The following MACROD2 variants were observed in gnomAD, a reference collection of about 807,000 sequenced individuals.
MACROD2 encodes the protein mono-ADP ribosylhydrolase 2, also known as ADP-ribose glycohydrolase MACROD2.
Under a neutral mutation model 70.4 loss-of-function variants are expected in MACROD2, and 36 were observed. The ratio of observed to expected loss-of-function variants is 0.51; its 90% CI spans 0.39 to 0.68. MACROD2 has a LOEUF of 0.68. Ranked by LOEUF, MACROD2 falls within the 30% of genes least tolerant of loss-of-function variation. MACROD2 has a pLI of 0.00. For missense variants in MACROD2, 496 were observed against 538.4 expected (o/e 0.92, Z 0.78); for synonymous variants, 172 against 178.8 (o/e 0.96, Z 0.30).
At chr20:14,198,424 T>G (rs1034518239) in intron 3 of MACROD2, among the ~76,000 whole-genome samples, 1 of 152,224 alleles carries the variant, frequency 6.6e-6, no homozygotes. Context: ...TCAATTATAT[T>G]AGTCCAGAGC....
chr20:14,813,476 A>C (rs2072738988), intron 5 of MACROD2, among the ~76,000 whole-genome samples: 1 of 151,668 alleles, frequency 6.6e-6, no homozygotes, highest in African/African-American at 2.4e-5. Flanking sequence ...TTCCTGCATT[A>C]GTTTGCTGAG....
At chr20:15,801,333 A>G (rs575405594) in intron 8 of MACROD2, among the ~76,000 whole-genome samples, 1 of 152,048 alleles carries the variant, frequency 6.6e-6, no homozygotes, top group Admixed American at 6.5e-5. Context: ...GGAGCAGAGG[A>G]TGCTGGAGGA....
At chr20:15,851,064 A>G (rs2064292810) in intron 8 of MACROD2, among the ~76,000 whole-genome samples, 1 of 152,048 alleles carries the variant, frequency 6.6e-6, no homozygotes, top group Admixed American at 6.6e-5. Context: ...TGGGCATGGG[A>G]AGAAAAGAAT....
rs185810948 is a variant in MACROD2 at position 15,534,902 on chromosome 20, A to T, written c.645+35055A>T. On this transcript the variant is annotated intron_variant, in intron 8 of 17. Coordinates refer to ENST00000684519, the MANE Select transcript of MACROD2 (RefSeq NM_001351661.2). Reference sequence around the variant, plus strand: ...TGAATTCAGCTTCTGAATTCAACTCAAAATTAAATTTCTAATTAGGATTAG... The same window carrying T: ...TGAATTCAGCTTCTGAATTCAACTCTAAATTAAATTTCTAATTAGGATTAG... Among the ~76,000 whole-genome samples the T allele has an allele frequency of 3.5e-3, 540 of 152,268 alleles. 3 individuals are homozygous for T. Among genetic ancestry groups the T allele is most frequent in the African/African-American group, 0.012 (511 of 41,548 alleles).
rs56136161 is a variant in MACROD2 at position 15,529,292 on chromosome 20, CTG to C, written c.645+29463_645+29464del. On this transcript the variant is annotated intron_variant, in intron 8 of 17. Coordinates refer to ENST00000684519, the MANE Select transcript of MACROD2 (RefSeq NM_001351661.2). ...GATGCGTGTGTGTGTGTGTGCATGC[CTG>C]TGTGTGTGTGTGTGTGTAAGTGTTA... 2.9e-3 allele frequency among the ~76,000 whole-genome samples: 425 copies of C among 149,034 alleles called. 9 individuals are homozygous for C. In the East Asian group the frequency reaches 0.051, roughly 18 times the overall value.
chr20:14,696,416 T>C (rs535696368), intron 5 of MACROD2, among the ~76,000 whole-genome samples: 6 of 152,318 alleles, frequency 3.9e-5, no homozygotes, highest in African/African-American at 1.4e-4. Flanking sequence ...TGTCCTCTGT[T>C]AATGCTGTGA....
chr20:15,951,574 A>G (rs1348509624), intron 12 of MACROD2, among the ~76,000 whole-genome samples: 1 of 152,096 alleles, frequency 6.6e-6, no homozygotes, highest in African/African-American at 2.4e-5. Context: ...TCAAATTAGA[A>G]TGGAAAGGCA....
rs533083834 is a variant in MACROD2 at position 15,521,723 on chromosome 20, C to A, written c.645+21876C>A. 5.3e-5 allele frequency among the ~76,000 whole-genome samples: 8 copies of A among 152,310 alleles called. No homozygotes were observed. In the East Asian group the frequency reaches 1.4e-3, roughly 26 times the overall value. On this transcript the variant is annotated intron_variant, in intron 8 of 17. Coordinates refer to ENST00000684519, the MANE Select transcript of MACROD2 (RefSeq NM_001351661.2). ...AAGATTATGGACGGTAAAAACCCAA[C>A]TATATTTATAATTGGGATATGCTAA...
At chr20:15,268,672 T>A (rs1024933429) in intron 6 of MACROD2, among the ~76,000 whole-genome samples, 1 of 152,112 alleles carries the variant, frequency 6.6e-6, no homozygotes, top group African/African-American at 2.4e-5. Context: ...AATAAATAAA[T>A]TGAAATTCCC....
intron 5 of MACROD2, among the ~76,000 whole-genome samples, chr20:14,742,384 A>G (rs369565856): frequency 2.4e-4 from 36 of 152,196 alleles, no homozygotes; most frequent in African/African-American, 8.4e-4. Flanking sequence ...ACATATAGCC[A>G]TTTTTCCATA....
At chr20:14,960,665 T>C (rs2122765622) in intron 5 of MACROD2, among the ~76,000 whole-genome samples, 1 of 152,300 alleles carries the variant, frequency 6.6e-6, no homozygotes, top group South Asian at 2.1e-4. Context: ...ATCTCCCCTC[T>C]GCTAACGAAT....
chr20:14,525,551 A>C (rs1409385500), intron 4 of MACROD2, among the ~76,000 whole-genome samples: 2 of 152,352 alleles, frequency 1.3e-5, no homozygotes, highest in East Asian at 3.9e-4. Flanking sequence ...GATAAAGCTA[A>C]GATTCATGCC....
intron 5 of MACROD2, among the ~76,000 whole-genome samples, chr20:14,966,751 T>C (rs1371718095): frequency 6.6e-6 from 1 of 152,234 alleles, no homozygotes; most frequent in Admixed American, 6.5e-5. Flanking sequence ...CATTTTGAAG[T>C]AATCTATGTT....
intron 5 of MACROD2, among the ~76,000 whole-genome samples, chr20:15,113,512 A>G (rs562423611): frequency 2.0e-5 from 3 of 152,206 alleles, no homozygotes; most frequent in Admixed American, 2.0e-4. Flanking sequence ...AAATGACATA[A>G]TGTCAGTATT....
At chr20:15,998,814 T>C (rs2066669018) in intron 15 of MACROD2, among the ~76,000 whole-genome samples, 1 of 152,116 alleles carries the variant, frequency 6.6e-6, no homozygotes, top group Non-Finnish European at 1.5e-5. Context: ...TCTGCCCGTC[T>C]CGGCCTCCCA....
chr20:15,767,298 G>GTA (rs1303789893), intron 8 of MACROD2, among the ~76,000 whole-genome samples: 1 of 152,206 alleles, frequency 6.6e-6, no homozygotes, highest in African/African-American at 2.4e-5. Context: ...TGGGGACACT[G>GTA]TATTCAACCC....
intron 13 of MACROD2, 138 bp from the exon 14 acceptor site, chr20:15,986,588 AT>A: frequency 1.8e-6 from 1 of 542,364 alleles, no homozygotes; most frequent in Admixed American, 3.5e-5. Context: ...GATTAGAAAA[AT>A]TGTATCTTTG....
intron 10 of MACROD2, among the ~76,000 whole-genome samples, chr20:15,895,688 G>A (rs1031880759): frequency 1.3e-5 from 2 of 152,190 alleles, no homozygotes; most frequent in Non-Finnish European, 2.9e-5. Flanking sequence ...TAAAAAACAT[G>A]CAATGGCAAC....
chr20:15,233,603 T>A (rs175292), intron 6 of MACROD2, among the ~76,000 whole-genome samples: 3,343 of 152,156 alleles, frequency 0.022, 40 homozygotes, highest in Middle Eastern at 0.041. Context: ...TTCATTACAT[T>A]TCTGTTCTCC....
Sources: allele counts gnomAD v4.1 joint callset (sites outside exome capture counted in the v4.1 genomes callset), GRCh38; gene constraint gnomAD v4.1.1; transcripts MANE v1.5; gene names NCBI Gene and HGNC (gene_info 2026-07-23, HGNC 2026-07-21).